Variants in FAM151B observed in about 807,000 individuals in gnomAD.
The protein encoded by FAM151B is family with sequence similarity 151 member B, also known as protein FAM151B.
In FAM151B, 24 loss-of-function variants were observed where a neutral mutation model predicts 31.2. The ratio of observed to expected loss-of-function variants is 0.77; its 90% CI spans 0.56 to 1.08. FAM151B has a LOEUF of 1.08. Ranked by LOEUF, FAM151B falls within the 50% of genes least tolerant of loss-of-function variation. The pLI, the probability that FAM151B is intolerant of heterozygous loss-of-function variation, is 0.00. For missense variants in FAM151B, 293 were observed against 328.6 expected (o/e 0.89, Z 0.84); for synonymous variants, 105 against 111.4 (o/e 0.94, Z 0.36).
At chr5:80,522,348 T>A (rs1386100724) in intron 5 of FAM151B, 1 of 428,556 alleles carries the variant, frequency 2.3e-6, no homozygotes, top group African/African-American at 2.0e-5. Context: ...ATTTTACCCC[T>A]ATTCCTCACA....
intron 1 of FAM151B, 95 bp downstream of exon 1, chr5:80,488,243 T>C: frequency 7.0e-7 from 1 of 1,427,284 alleles, no homozygotes; most frequent in Non-Finnish European, 9.3e-7. Flanking sequence ...GCGGTCTTCC[T>C]TGCTAGGGAC....
At chr5:80,520,751 A>G (rs926543966) in intron 4 of FAM151B, among the ~76,000 whole-genome samples, 2 of 147,410 alleles carry the variant, frequency 1.4e-5, no homozygotes, top group Admixed American at 6.8e-5. Flanking sequence ...TATATTCTCT[A>G]TATATACATA....
At chr5:80,509,259 G>A (rs1744097172) in intron 2 of FAM151B, among the ~76,000 whole-genome samples, 1 of 151,960 alleles carries the variant, frequency 6.6e-6, no homozygotes, top group African/African-American at 2.4e-5. Flanking sequence ...GATTACAGGA[G>A]TAAGCCACCA....
rs555120319 is a variant in FAM151B at position 80,498,156 on chromosome 5, A to G, written c.26-3636A>G. On this transcript the variant is annotated intron_variant, in intron 1 of 5. Transcript: ENST00000282226. Reference sequence around the variant, plus strand: ...TATTGTTGGACATTTGTTATAGCCAATCAATAATGTGCCTTCTAAAATGGC... The same window carrying G: ...TATTGTTGGACATTTGTTATAGCCAGTCAATAATGTGCCTTCTAAAATGGC... Among the ~76,000 whole-genome samples, 5 of 152,336 alleles carry G rather than the reference A, an allele frequency of 3.3e-5. No homozygotes were observed. The East Asian group carries it at 5.8e-4, about 18-fold the overall frequency.
chr5:80,510,805 G>T (rs948490292), intron 2 of FAM151B: 1 of 152,204 alleles, frequency 6.6e-6, no homozygotes, highest in Admixed American at 6.5e-5. Context: ...TTATGGATCT[G>T]TATTGGCATT....
At chr5:80,491,196 A>G (rs541742069) in intron 1 of FAM151B, among the ~76,000 whole-genome samples, 3 of 96,048 alleles carry the variant, frequency 3.1e-5, no homozygotes, top group African/African-American at 1.1e-4. Context: ...CAAAATATAT[A>G]ATACACTATT....
rs142655746 is a variant in FAM151B at position 80,526,214 on chromosome 5, A to C, written c.671+4076A>C. Reference sequence around the variant, plus strand: ...TTTGGTTGAAAAAAATCAGTGTATCAATGGACTCACTCAGTTCTAACCTGT... The same window carrying C: ...TTTGGTTGAAAAAAATCAGTGTATCCATGGACTCACTCAGTTCTAACCTGT... On this transcript the variant is annotated intron_variant, in intron 5 of 5. Transcript: ENST00000282226. 5.2e-3 allele frequency among the ~76,000 whole-genome samples: 788 copies of C among 152,162 alleles called. 5 individuals carry two copies. Among genetic ancestry groups the C allele is most frequent in the African/African-American group, 0.018 (741 of 41,508 alleles).
intron 5 of FAM151B, among the ~76,000 whole-genome samples, chr5:80,531,374 A>G (rs1170414688): frequency 1.3e-5 from 2 of 152,232 alleles, no homozygotes; most frequent in African/African-American, 4.8e-5. Context: ...ACAAAAGCCA[A>G]AGTTGACAAA....
chr5:80,538,460 T>TTCTCTCTCTCTC (rs1491079264), intron 5 of FAM151B, among the ~76,000 whole-genome samples: 1 of 82,058 alleles, frequency 1.2e-5, no homozygotes, highest in African/African-American at 5.1e-5. Context: ...CTTTCTTTCT[T>TTCTCTCTCTCTC]TCTTTCTTTC....
At chr5:80,509,704 A>C (rs1234461182) in intron 2 of FAM151B, among the ~76,000 whole-genome samples, 1 of 152,208 alleles carries the variant, frequency 6.6e-6, no homozygotes, top group East Asian at 1.9e-4. Flanking sequence ...TTTTCTCTAT[A>C]TGCTGCTGAA....
intron 2 of FAM151B, among the ~76,000 whole-genome samples, chr5:80,506,275 T>C (rs1743960345): frequency 6.6e-6 from 1 of 152,182 alleles, no homozygotes; most frequent in South Asian, 2.1e-4. Flanking sequence ...TATCTTAAAA[T>C]TGAAGTATGT....
At chr5:80,491,155 G>A (rs1743318390) in intron 1 of FAM151B, among the ~76,000 whole-genome samples, 1 of 151,826 alleles carries the variant, frequency 6.6e-6, no homozygotes, top group African/African-American at 2.4e-5. Context: ...TTTGTAATGA[G>A]AACATTTAAA....
chr5:80,535,434 G>GA (rs1745448073), intron 5 of FAM151B, among the ~76,000 whole-genome samples: 1 of 152,134 alleles, frequency 6.6e-6, no homozygotes, highest in Non-Finnish European at 1.5e-5. Flanking sequence ...TGAGAACCCA[G>GA]AAACAAATGC....
At chr5:80,494,085 G>A (rs148934110) in intron 1 of FAM151B, among the ~76,000 whole-genome samples, 418 of 152,258 alleles carry the variant, frequency 2.7e-3, no homozygotes, top group African/African-American at 7.6e-3. Context: ...AAGAACGTAC[G>A]TTGAAATATT....
intron 5 of FAM151B, among the ~76,000 whole-genome samples, chr5:80,539,003 T>C (rs1272143600): frequency 6.6e-6 from 1 of 150,420 alleles, no homozygotes; most frequent in Non-Finnish European, 1.5e-5. Context: ...TTTTTTTTTT[T>C]TTTTTTGACT....
At chr5:80,492,345 T>A (rs1434921161) in intron 1 of FAM151B, among the ~76,000 whole-genome samples, 2 of 152,206 alleles carry the variant, frequency 1.3e-5, no homozygotes, top group Non-Finnish European at 2.9e-5. Flanking sequence ...CTGTGATCAG[T>A]GATCTTCAAA....
chr5:80,491,665 A>C (rs138288322), intron 1 of FAM151B, among the ~76,000 whole-genome samples: 1 of 152,202 alleles, frequency 6.6e-6, no homozygotes, highest in East Asian at 1.9e-4. Context: ...GGTAACCACT[A>C]TTCTGCTTTC....
chr5:80,490,015 C>A (rs1051901703), intron 1 of FAM151B, among the ~76,000 whole-genome samples: 1 of 123,170 alleles, frequency 8.1e-6, no homozygotes, highest in African/African-American at 2.9e-5. Context: ...TCATTTTTCC[C>A]CCTTACACAC....
intron 5 of FAM151B, 116 bp from the exon 6 acceptor site, chr5:80,541,557 T>G (rs1745892359): frequency 2.2e-6 from 2 of 927,378 alleles, no homozygotes; most frequent in African/African-American, 1.7e-5. Context: ...GCTGATTAAT[T>G]TTTTCATCTG....
Sources: allele counts gnomAD v4.1 joint callset (sites outside exome capture counted in the v4.1 genomes callset), GRCh38; gene constraint gnomAD v4.1.1; transcripts MANE v1.5; gene names NCBI Gene and HGNC (gene_info 2026-07-23, HGNC 2026-07-21).